The following WDR87 variants were observed in gnomAD, a reference collection of about 807,000 sequenced individuals.
The protein encoded by WDR87 is WD repeat domain 87.
Under a neutral mutation model 83.3 loss-of-function variants are expected in WDR87, and 56 were observed. The observed-to-expected ratio is 0.67, with a 90% CI of 0.54 to 0.84. The LOEUF (loss-of-function observed/expected upper bound fraction) is 0.84, where lower values mean the gene tolerates loss of function less well. Among genes scored for constraint, WDR87 ranks in the 40% least tolerant of loss-of-function variants. The pLI is 0.00. For missense variants in WDR87, 2,939 were observed against 3,431.9 expected, an observed-to-expected ratio of 0.86 and a Z score of 3.59; for synonymous variants, 1,173 against 1,250.6, an observed-to-expected ratio of 0.94 and a Z score of 1.31.
At position 37,886,750 on chromosome 19, in the gene WDR87, T is replaced by C; in HGVS notation, c.6921A>G (p.Glu2307=). 1.5e-6 allele frequency: 2 copies of C among 1,316,918 alleles called. No individual in the cohort carries two copies. Among genetic ancestry groups the C allele is most frequent in the Admixed American group, 2.2e-5 (1 of 45,430 alleles). 81.6% of individuals were successfully genotyped at this position (1,316,918 alleles called of 1,614,324 possible). Residue 2307 remains glutamate, a synonymous_variant, in exon 6 of 6, where the codon GAA becomes GAG. Transcript: ENST00000447313. ...CCTCCCCTTCCTCCTCCTCCTTCCT[T>C]TCCTCCTCCTCCTCCCTTTCCTCCT... ...EEEEEREEEE[E]RKEEEEGEEK...
chr19:37,886,923 C>T lies in WDR87; in HGVS notation c.6748G>A (p.Glu2250Lys). 1 of 1,551,600 alleles carries T rather than the reference C, an allele frequency of 6.4e-7. No individual in the cohort carries two copies. Among genetic ancestry groups the T allele is most frequent in the Non-Finnish European group, 8.7e-7 (1 of 1,146,966 alleles). ...TCATCCACTTGACTGGAAAACTTTT[C>T]TTTTGGTTTGTCACCTCTCTTGGCC... The part of the protein sequence containing the change: ...KEAKRGDKPK[E>K]KFSSQVDEVE... The change falls in exon 6 of 6, where the codon GAA (glutamate) becomes AAA (lysine). Residue 2250 changes from glutamate (E) to lysine (K), a missense_variant. Physicochemically the swap from Glu to Lys is moderately conservative, Grantham distance 56 (BLOSUM62 1). Transcript: ENST00000447313.
intron 2 of WDR87, 45 bp downstream of exon 2, chr19:37,898,120 G>C: frequency 6.5e-7 from 1 of 1,548,382 alleles, no homozygotes; most frequent in South Asian, 1.2e-5. Context: ...TGTAAGACAG[G>C]TAGCAGCCAA....
Position 37,894,767 on chromosome 19 carries a change from C to T in WDR87, c.936G>A (p.Leu312=), listed in dbSNP as rs2046239490. The change falls in exon 4 of 6, where the codon CTG becomes CTA. Residue 312 remains leucine, a synonymous_variant. Coordinates refer to ENST00000447313, the MANE Select transcript of WDR87 (RefSeq NM_001291088.2). The part of the protein sequence containing the change: ...GSDSLIKEWN[L]TSGSLLRRLE... ...GCCGCCGAAGCAGGCTCCCTGAAGT[C>T]AGGTTCCACTCCTTGATTAGGCTGT... The T allele has an allele frequency of 1.9e-5, 29 of 1,551,600 alleles. No individual in the cohort carries two copies. Among genetic ancestry groups the T allele is most frequent in the Non-Finnish European group, 2.4e-5 (28 of 1,147,016 alleles).
rs2046132128 is a variant in WDR87, at chr19:37,885,171, T to C, written c.8500A>G (p.Thr2834Ala). 6.8e-7 allele frequency: 1 copy of C among 1,467,536 alleles called. No homozygotes were observed. The highest frequency in any genetic ancestry group is 9.0e-7 in the Non-Finnish European group (1 of 1,110,438). The allele number at this position is 1,467,536 out of a possible 1,614,324, so 90.9% of individuals were successfully genotyped here. Reference sequence around the variant, plus strand: ...AGCCGTTCCCCGGGAACTAGCTCTGTGGCTTTTAGGGCCTCTTCGTAGATG... The same window carrying C: ...AGCCGTTCCCCGGGAACTAGCTCTGCGGCTTTTAGGGCCTCTTCGTAGATG... Reference protein sequence around the residue: ...EIIYEEALKATELVPGERLFC... With the variant: ...EIIYEEALKAAELVPGERLFC... The change falls in exon 6 of 6, where the codon ACA (threonine) becomes GCA (alanine). Residue 2834 changes from threonine (T) to alanine (A), a missense_variant. By Grantham distance (58) the Thr-to-Ala change is moderately conservative. This residue lies in a region of WDR87 where 2,160 missense variants were observed against 2,533.1 expected (regional missense o/e 0.85). Transcript: ENST00000447313.
In WDR87 at chr19:37,888,399, C is replaced by T. The variant is rs1307546421; in HGVS notation, c.5272G>A (p.Glu1758Lys). The stretch of plus-strand genomic sequence containing the variant: ...TCTTCCATGTCCCATTCCAGTTCCT[C>T]CAATTCCTGGGCCAGCTCCTTTTCT... The part of the protein sequence containing the change: ...WQEKELAQEL[E>K]ELEWDMEELS... The change falls in exon 6 of 6, where the codon GAG becomes AAG. Residue 1758 changes from glutamate to lysine, a missense_variant. By Grantham distance (56) the Glu-to-Lys change is moderately conservative. Around this residue, in one of 3 missense-constraint regions of WDR87, gnomAD observed 2,160 missense variants for 2,533.1 expected, o/e 0.85. Transcript: ENST00000447313. The T allele has an allele frequency of 6.4e-7, 1 of 1,552,182 alleles. No homozygotes were observed. Among genetic ancestry groups the T allele is most frequent in the Admixed American group, 2.0e-5 (1 of 50,998 alleles).
intron 1 of WDR87, among the ~76,000 whole-genome samples, chr19:37,904,695 C>T (rs1391213743): frequency 1.3e-5 from 2 of 152,298 alleles, no homozygotes; most frequent in East Asian, 3.9e-4. Flanking sequence ...ACTATATACA[C>T]TGTTATTCAC....
chr19:37,894,568 G>A lies in WDR87; in HGVS notation c.1135C>T (p.Arg379Trp), dbSNP rs905072281. 9.7e-6 allele frequency: 15 copies of A among 1,551,586 alleles called. No individual in the cohort carries two copies. The highest frequency in any genetic ancestry group is 5.5e-5 in the African/African-American group (4 of 73,036). Reference sequence around the variant, plus strand: ...CCATCCTCAGTGGTACACAGGATCCGGAACCAGTTATTTCCACAGCAGACC... The same window carrying A: ...CCATCCTCAGTGGTACACAGGATCCAGAACCAGTTATTTCCACAGCAGACC... ...RRVCCGNNWFRILCTTEDGLL... is the reference protein window; with the variant it reads ...RRVCCGNNWFWILCTTEDGLL... The change falls in exon 4 of 6, where the codon CGG (arginine) becomes TGG (tryptophan). Residue 379 changes from arginine (R) to tryptophan (W), a missense_variant. By Grantham distance (101) the Arg-to-Trp change is moderately radical. This residue lies in a region of WDR87 where 553 missense variants were observed against 577.9 expected (regional missense o/e 0.96). Transcript: ENST00000447313.
At chr19:37,892,455 A>G in intron 4 of WDR87, 123 bp downstream of exon 4, 4 of 939,754 alleles carry the variant, frequency 4.3e-6, no homozygotes, top group Non-Finnish European at 6.3e-6. Context: ...TCTAGGCGTG[A>G]GCAAAGGCTA....
rs2145432622 is a variant in WDR87, at chr19:37,894,471, T to C, written c.1232A>G (p.Gln411Arg). Residue 411 changes from glutamine to arginine, a missense_variant, in exon 4 of 6, where the codon CAG (glutamine) becomes CGG (arginine). Transcript: ENST00000447313. ...VITWPFSILD[Q>R]AVDWAYDPGK... ...TGGGTCGTAGGCCCAATCCACAGCC[T>C]GGTCCAGGATTGAGAAGGGCCAGGT... The C allele has an allele frequency of 3.2e-6, 5 of 1,551,734 alleles. No homozygotes were observed. Among genetic ancestry groups the C allele is most frequent in the Non-Finnish European group, 3.5e-6 (4 of 1,147,000 alleles).
At chr19:37,900,820 C>T (rs1001303930) in intron 1 of WDR87, among the ~76,000 whole-genome samples, 1 of 151,968 alleles carries the variant, frequency 6.6e-6, no homozygotes, top group Admixed American at 6.6e-5. Flanking sequence ...GAATGCCTTT[C>T]AGGCTCTAGT....
At chr19:37,897,501 C>T (rs117449500) in intron 2 of WDR87, among the ~76,000 whole-genome samples, 4 of 151,988 alleles carry the variant, frequency 2.6e-5, no homozygotes, top group Admixed American at 6.6e-5. Context: ...TAAGCCACCA[C>T]GCCTGGCCCT....
At chr19:37,896,385 G>A (rs946253438) in intron 2 of WDR87, 77 bp from the exon 3 acceptor site, 1 of 1,472,668 alleles carries the variant, frequency 6.8e-7, no homozygotes, top group African/African-American at 1.4e-5. Context: ...GTCACAGTTG[G>A]AGCAGTTCCC....
chr19:37,891,527 A>G (rs754841167), intron 5 of WDR87, 25 bp downstream of exon 5: 5 of 1,550,266 alleles, frequency 3.2e-6, no homozygotes, highest in Non-Finnish European at 4.4e-6. Context: ...ACCCTGAGGC[A>G]CAGACCAGAT....
chr19:37,888,162 G>C lies in WDR87; in HGVS notation c.5509C>G (p.Leu1837Val), dbSNP rs2046168302. Residue 1837 changes from leucine to valine, a missense_variant, in exon 6 of 6, where the codon CTG becomes GTG. Physicochemically the swap from Leu to Val is conservative, Grantham distance 32. Transcript: ENST00000447313. The stretch of plus-strand genomic sequence containing the variant: ...ATCAATTGCTCCCTTTTCCGTCCCA[G>C]TCTTTCCTCTTCCTCAGGCATTTTT... Reference protein sequence around the residue: ...KEKMPEEEERLGRKREQLIEK... With the variant: ...KEKMPEEEERVGRKREQLIEK... 1.3e-6 allele frequency: 2 copies of C among 1,551,996 alleles called. No individual in the cohort carries two copies. Among genetic ancestry groups the C allele is most frequent in the Non-Finnish European group, 1.7e-6 (2 of 1,147,074 alleles).
Position 37,885,797 on chromosome 19 carries a change from G to C in WDR87, c.7874C>G (p.Thr2625Arg), listed in dbSNP as rs754464380. 12 of 1,551,662 alleles carry C rather than the reference G, an allele frequency of 7.7e-6. No homozygotes were observed. The highest frequency in any genetic ancestry group is 1.0e-5 in the Non-Finnish European group (12 of 1,147,036). Residue 2625 changes from threonine to arginine, a missense_variant, in exon 6 of 6, where the codon ACA becomes AGA. Transcript: ENST00000447313. ...RHRQALESQDTRISSRQSMSP... is the reference protein window; with the variant it reads ...RHRQALESQDRRISSRQSMSP... ...CATGGACTGTCTACTTGAGATCCTT[G>C]TGTCTTGTGACTCCAGGGCCTGTCT...
In WDR87 at chr19:37,896,438, C is replaced by CA. The variant is rs35361682; in HGVS notation, c.76-131dup. 0.46 allele frequency: 412,060 copies of CA among 902,174 alleles called. 103,250 individuals are homozygous for CA. The highest frequency in any genetic ancestry group is 0.86 in the East Asian group (32,430 of 37,562). The allele number at this position is 902,174 out of a possible 1,614,324, so 55.9% of individuals were successfully genotyped here. A position where few individuals can be genotyped will look rare whatever the true frequency, so the allele number is the denominator to read the frequency against. On this transcript the variant is annotated intron_variant, in intron 2 of 5. Transcript: ENST00000447313. ...CCGAAGGACCTACTCCTGTTACACT[C>CA]ACACGTGCATAACTTATCACCTGTG... is the stretch of plus-strand genomic sequence containing the variant.
intron 1 of WDR87, among the ~76,000 whole-genome samples, chr19:37,903,828 C>T (rs1443219313): frequency 2.6e-5 from 4 of 152,194 alleles, no homozygotes; most frequent in Non-Finnish European, 5.9e-5. Flanking sequence ...CCACCACACC[C>T]AGCCAATTTG....
rs1371005414 is a variant in WDR87 at position 37,888,153 on chromosome 19, T to C, written c.5518A>G (p.Lys1840Glu). 1 of 1,552,048 alleles carries C rather than the reference T, an allele frequency of 6.4e-7. No homozygotes were observed. The highest frequency in any genetic ancestry group is 8.7e-7 in the Non-Finnish European group (1 of 1,147,100). ...MPEEEERLGRKREQLIEKKMK... is the reference protein window; with the variant it reads ...MPEEEERLGREREQLIEKKMK... ...TTCTTCTCAATCAATTGCTCCCTTT[T>C]CCGTCCCAGTCTTTCCTCTTCCTCA... The change falls in exon 6 of 6, where the codon AAA becomes GAA. Residue 1840 changes from lysine (K) to glutamate (E), a missense_variant. Transcript: ENST00000447313.
chr19:37,886,045 C>G lies in WDR87; in HGVS notation c.7626G>C (p.Glu2542Asp), dbSNP rs2046141745. 5.2e-6 allele frequency: 8 copies of G among 1,551,596 alleles called. No individual in the cohort carries two copies. Among genetic ancestry groups the G allele is most frequent in the Non-Finnish European group, 7.0e-6 (8 of 1,147,020 alleles). Residue 2542 changes from glutamate to aspartate, a missense_variant, in exon 6 of 6, where the codon GAG (glutamate) becomes GAC (aspartate). Around this residue, in one of 3 missense-constraint regions of WDR87, gnomAD observed 2,160 missense variants for 2,533.1 expected, o/e 0.85. Transcript: ENST00000447313. ...GGATTTGGGAGAGAGGTAACTGTAC[C>G]TCAGTCTGTCCCATCAGAGGTGGAT... is the stretch of plus-strand genomic sequence containing the variant. ...LQHPPLMGQTEVQLPLSQIPA... is the reference protein window; with the variant it reads ...LQHPPLMGQTDVQLPLSQIPA...
Sources: allele counts gnomAD v4.1 joint callset (sites outside exome capture counted in the v4.1 genomes callset), GRCh38; gene constraint gnomAD v4.1.1; regional missense constraint gnomAD v4.1.1; transcripts MANE v1.5; gene names NCBI Gene and HGNC (gene_info 2026-07-23, HGNC 2026-07-21).